The following DYM variants were observed in gnomAD, a reference collection of about 807,000 sequenced individuals.
DYM encodes dyggve-Melchior-Clausen syndrome protein.
In DYM, 78 loss-of-function variants were observed where a neutral mutation model predicts 93.1. That is an observed-to-expected ratio of 0.84 (90% CI 0.70 to 1.01). The LOEUF (loss-of-function observed/expected upper bound fraction) is 1.01, where lower values mean the gene tolerates loss of function less well. DYM is among the 50% of genes least tolerant of loss of function. The pLI, the probability that DYM is intolerant of heterozygous loss-of-function variation, is 0.00. For synonymous variants in DYM, 321 were observed against 319.7 expected (o/e 1.00, Z -0.04); for missense variants, 789 against 845.0 (o/e 0.93, Z 0.82).
At chr18:49,173,181 T>A (rs1051823077) in intron 14 of DYM, among the ~76,000 whole-genome samples, 1 of 152,174 alleles carries the variant, frequency 6.6e-6, no homozygotes, top group Non-Finnish European at 1.5e-5. Context: ...TCCATAAATC[T>A]GTCATACACT....
rs2090687630 is a variant in DYM, at chr18:49,188,730, C to A, written c.1625+20821G>T. Among the ~76,000 whole-genome samples the A allele has an allele frequency of 3.3e-5, 5 of 152,188 alleles. No individual in the cohort carries two copies. The South Asian group carries it at 1.0e-3, about 32-fold the overall frequency. The stretch of plus-strand genomic sequence containing the variant: ...GGGAGGGATAGCATTTGGAGATATA[C>A]CTAATGTTAAATGACGAGTTACTGG... On this transcript the variant is annotated intron_variant, in intron 14 of 17. Coordinates refer to ENST00000675505, the MANE Select transcript of DYM (RefSeq NM_001353214.3).
chr18:49,063,619 CTTTTTTTTT>C (rs67482709), intron 17 of DYM, among the ~76,000 whole-genome samples: 1 of 71,966 alleles, frequency 1.4e-5, no homozygotes, highest in Non-Finnish European at 2.8e-5. Context: ...CTTTCTCTCT[CTTTTTTTTT>C]TTTTTTTTTT....
intron 6 of DYM, among the ~76,000 whole-genome samples, chr18:49,347,787 G>A (rs1295578932): frequency 1.3e-5 from 2 of 152,196 alleles, no homozygotes; most frequent in Non-Finnish European, 2.9e-5. Context: ...ATACTTGAAA[G>A]AAACCAAAAT....
intron 14 of DYM, among the ~76,000 whole-genome samples, chr18:49,174,946 AC>A (rs2145345205): frequency 1.3e-5 from 2 of 152,338 alleles, no homozygotes; most frequent in East Asian, 3.9e-4. Context: ...ACAGAAAAAA[AC>A]ATCAAAGCCG....
chr18:49,039,290 T>A lies in DYM; in HGVS notation c.*4765A>T, dbSNP rs1037738065. Among the ~76,000 whole-genome samples, 2 of 152,246 alleles carry A rather than the reference T, an allele frequency of 1.3e-5. No homozygotes were observed. The highest frequency in any genetic ancestry group is 4.1e-4 in the South Asian group (2 of 4,828). ...GCTGTCAGTCTAATATTATTGCTCCTTTAATGGTTATATTCCCTCTCCCAC... is the reference window on the plus strand; with the variant it reads ...GCTGTCAGTCTAATATTATTGCTCCATTAATGGTTATATTCCCTCTCCCAC... On this transcript the variant is annotated 3_prime_UTR_variant, in exon 18 of 18. Transcript: ENST00000675505.
At chr18:49,194,215 G>A in intron 14 of DYM, among the ~76,000 whole-genome samples, 1 of 152,224 alleles carries the variant, frequency 6.6e-6, no homozygotes, top group East Asian at 1.9e-4. Flanking sequence ...CAGAGGAAGA[G>A]CATCCAACTT....
intron 17 of DYM, among the ~76,000 whole-genome samples, chr18:49,050,412 G>T (rs188297781): frequency 6.6e-6 from 1 of 152,208 alleles, no homozygotes; most frequent in East Asian, 1.9e-4. Flanking sequence ...CTTCTACAGT[G>T]TATGTGACAT....
intron 14 of DYM, among the ~76,000 whole-genome samples, chr18:49,197,767 G>A (rs989257837): frequency 1.3e-5 from 2 of 152,102 alleles, no homozygotes; most frequent in African/African-American, 4.8e-5. Flanking sequence ...CATGCTCATG[G>A]GTAGGAAGAA....
intron 17 of DYM, among the ~76,000 whole-genome samples, chr18:49,058,351 G>C (rs1211569859): frequency 6.9e-6 from 1 of 144,024 alleles, no homozygotes; most frequent in Non-Finnish European, 1.5e-5. Context: ...GCAGGGTCTT[G>C]CTCTGTTGCT....
chr18:49,334,969 T>C (rs916563613), intron 6 of DYM, among the ~76,000 whole-genome samples: 4 of 152,142 alleles, frequency 2.6e-5, no homozygotes, highest in Admixed American at 2.0e-4. Flanking sequence ...TAGCTGGGCA[T>C]GGTGGCGGGC....
At chr18:49,255,251 T>A (rs2094367076) in intron 13 of DYM, among the ~76,000 whole-genome samples, 1 of 152,162 alleles carries the variant, frequency 6.6e-6, no homozygotes, top group Non-Finnish European at 1.5e-5. Flanking sequence ...TAAACAAAAC[T>A]GAATGGTCAA....
At chr18:49,346,487 AAGT>A (rs1381153939) in intron 6 of DYM, among the ~76,000 whole-genome samples, 3 of 152,160 alleles carry the variant, frequency 2.0e-5, no homozygotes, top group Non-Finnish European at 4.4e-5. Flanking sequence ...ATGAGGCCTG[AAGT>A]AGTCAGGCCC....
chr18:49,312,082 T>G (rs1407861872), intron 8 of DYM, among the ~76,000 whole-genome samples: 3 of 152,184 alleles, frequency 2.0e-5, no homozygotes, highest in African/African-American at 2.4e-5. Flanking sequence ...GCTGATAAAC[T>G]TCACTATTGC....
At chr18:49,376,505 G>A (rs1308870624) in intron 5 of DYM, among the ~76,000 whole-genome samples, 1 of 152,194 alleles carries the variant, frequency 6.6e-6, no homozygotes, top group African/African-American at 2.4e-5. Flanking sequence ...TATGTAAACT[G>A]CAGCAAATTC....
At chr18:49,401,216 C>T (rs2024324280) in intron 2 of DYM, among the ~76,000 whole-genome samples, 1 of 152,128 alleles carries the variant, frequency 6.6e-6, no homozygotes, top group Admixed American at 6.5e-5. Context: ...ATACTTAAAA[C>T]TAGTAATCTC....
chr18:49,250,540 A>G (rs2094263113), intron 13 of DYM, among the ~76,000 whole-genome samples: 1 of 152,244 alleles, frequency 6.6e-6, no homozygotes, highest in Non-Finnish European at 1.5e-5. Flanking sequence ...GAAGAGGGCC[A>G]AATGGGTTCT....
chr18:49,449,995 T>C (rs906699149), intron 1 of DYM, among the ~76,000 whole-genome samples: 1 of 152,188 alleles, frequency 6.6e-6, no homozygotes, highest in Non-Finnish European at 1.5e-5. Context: ...GCAAGGCTTA[T>C]AAAAACAGTG....
chr18:49,046,877 G>C (rs80191921), intron 17 of DYM, among the ~76,000 whole-genome samples: 3,789 of 152,244 alleles, frequency 0.025, 51 homozygotes, highest in South Asian at 0.067. Flanking sequence ...CTGGGCCTAA[G>C]AGTGATATCC....
chr18:49,144,446 T>C (rs931704081), intron 15 of DYM, among the ~76,000 whole-genome samples: 5 of 152,198 alleles, frequency 3.3e-5, no homozygotes, highest in African/African-American at 7.2e-5. Context: ...GTTTGCAAAA[T>C]AGTGATATTC....
Sources: allele counts gnomAD v4.1 joint callset (sites outside exome capture counted in the v4.1 genomes callset), GRCh38; gene constraint gnomAD v4.1.1; transcripts MANE v1.5; gene names NCBI Gene and HGNC (gene_info 2026-07-23, HGNC 2026-07-21).